Variants in XPO7 observed in about 807,000 individuals in gnomAD.
XPO7 encodes the protein exportin-7.
Under a neutral mutation model 144.3 loss-of-function variants are expected in XPO7, and 21 were observed. The ratio of observed to expected loss-of-function variants is 0.15; its 90% CI spans 0.10 to 0.21. The LOEUF (loss-of-function observed/expected upper bound fraction) is 0.21. Among genes scored for constraint, XPO7 ranks in the 10% least tolerant of loss-of-function variants. The pLI, the probability that XPO7 is intolerant of heterozygous loss-of-function variation, is 1.00. For missense variants in XPO7, 808 were observed against 1,325.8 expected (o/e 0.61, Z 6.06); for synonymous variants, 580 against 499.6 (o/e 1.16, Z -2.15).
At chr8:21,958,317 A>G (rs1187032552) in intron 1 of XPO7, among the ~76,000 whole-genome samples, 1 of 152,126 alleles carries the variant, frequency 6.6e-6, no homozygotes, top group African/African-American at 2.4e-5. Flanking sequence ...GATTCAGGCC[A>G]GCTGCTAGTC....
chr8:22,001,359 T>TATC (rs900607177), intron 24 of XPO7, among the ~76,000 whole-genome samples: 4 of 151,902 alleles, frequency 2.6e-5, no homozygotes, highest in African/African-American at 9.7e-5. Context: ...TTGCATAAAC[T>TATC]ATCAGTCCCG....
intron 4 of XPO7, 75 bp downstream of exon 4, chr8:21,970,385 C>CACAT (rs1467455961): frequency 2.9e-5 from 39 of 1,361,812 alleles, no homozygotes; most frequent in Non-Finnish European, 3.7e-5. Flanking sequence ...CACACACACA[C>CACAT]ACACACAACT....
At chr8:22,002,908 A>G (rs1585488122) in intron 25 of XPO7, 1 of 218,902 alleles carries the variant, frequency 4.6e-6, no homozygotes, top group East Asian at 1.3e-4. Flanking sequence ...GGATCATGCA[A>G]GGTGGTTTTG....
intron 4 of XPO7, among the ~76,000 whole-genome samples, chr8:21,971,000 A>G (rs546470257): frequency 6.6e-6 from 1 of 152,304 alleles, no homozygotes; most frequent in South Asian, 2.1e-4. Context: ...TGTAAACTCC[A>G]TTCATGGTAA....
At chr8:21,941,838 G>A (rs141398480) in intron 1 of XPO7, among the ~76,000 whole-genome samples, 422 of 152,320 alleles carry the variant, frequency 2.8e-3, no homozygotes, top group African/African-American at 9.4e-3. Flanking sequence ...GCCACCAGTA[G>A]TGAATTTTTT....
chr8:21,990,292 T>TA, intron 16 of XPO7, 52 bp from the exon 17 acceptor site: 1 of 1,587,134 alleles, frequency 6.3e-7, no homozygotes, highest in Non-Finnish European at 8.6e-7. Context: ...CCATCTGCCT[T>TA]AGAGTTTCGG....
At chr8:21,970,420 C>A in intron 4 of XPO7, 110 bp downstream of exon 4, 1 of 1,097,146 alleles carries the variant, frequency 9.1e-7, no homozygotes. Context: ...ACTTTTTAAA[C>A]ATGACACAAA....
At chr8:21,991,548 C>CT in intron 18 of XPO7, among the ~76,000 whole-genome samples, 1 of 152,196 alleles carries the variant, frequency 6.6e-6, no homozygotes, top group South Asian at 2.1e-4. Context: ...AGCTTCAGTC[C>CT]TTTCTCCACT....
intron 1 of XPO7, among the ~76,000 whole-genome samples, chr8:21,940,788 C>T (rs1257704085): frequency 6.6e-6 from 1 of 152,018 alleles, no homozygotes; most frequent in Non-Finnish European, 1.5e-5. Flanking sequence ...GCATTTTCAT[C>T]GTCCTGTATA....
At chr8:21,969,650 A>C (rs889482167) in intron 3 of XPO7, 74 bp downstream of exon 3, 2 of 1,349,612 alleles carry the variant, frequency 1.5e-6, no homozygotes, top group Non-Finnish European at 2.1e-6. Context: ...AGTCAAATGT[A>C]CGTGTTTGTT....
chr8:22,001,163 C>T (rs561275373), intron 24 of XPO7, among the ~76,000 whole-genome samples: 4 of 151,896 alleles, frequency 2.6e-5, no homozygotes, highest in African/African-American at 4.8e-5. Context: ...AAAATTAGCT[C>T]GGCGTGGTGG....
chr8:21,960,978 T>C (rs1811708711), intron 1 of XPO7, among the ~76,000 whole-genome samples: 1 of 152,128 alleles, frequency 6.6e-6, no homozygotes, highest in African/African-American at 2.4e-5. Context: ...AATATATAAA[T>C]AATTAAAGTA....
At chr8:21,955,724 C>CTT (rs71544845) in intron 1 of XPO7, among the ~76,000 whole-genome samples, 1,442 of 102,572 alleles carry the variant, frequency 0.014, 64 homozygotes, top group South Asian at 0.084. Context: ...CTGTGCTTAC[C>CTT]TTTTTTTTTT....
intron 1 of XPO7, among the ~76,000 whole-genome samples, chr8:21,952,137 C>T (rs1811394126): frequency 6.6e-6 from 1 of 152,182 alleles, no homozygotes; most frequent in Non-Finnish European, 1.5e-5. Context: ...GGTAAAATAA[C>T]TATAGTCATT....
chr8:21,919,724 C>T lies in XPO7; in HGVS notation c.-47C>T. 3.6e-6 allele frequency: 1 copy of T among 275,762 alleles called. No homozygotes were observed. The highest frequency in any genetic ancestry group is 1.5e-4 in the East Asian group (1 of 6,628). The allele number at this position is 275,762 out of a possible 1,614,324, so 17.1% of individuals were successfully genotyped here. On this transcript the variant is annotated 5_prime_UTR_variant, in exon 1 of 28. Coordinates refer to ENST00000252512, the MANE Select transcript of XPO7 (RefSeq NM_015024.5). Reference sequence around the variant, plus strand: ...GGCGGCAGCGGCTCCGGCCGAGGTGCGCGCTGGGGGGGAGGGGGGGCCGGA... The same window carrying T: ...GGCGGCAGCGGCTCCGGCCGAGGTGTGCGCTGGGGGGGAGGGGGGGCCGGA...
intron 1 of XPO7, among the ~76,000 whole-genome samples, chr8:21,932,902 A>T (rs933883034): frequency 6.6e-6 from 1 of 152,130 alleles, no homozygotes; most frequent in Non-Finnish European, 1.5e-5. Flanking sequence ...TGTATATTTA[A>T]TATTCACATT....
chr8:21,924,945 A>G lies in XPO7; in HGVS notation c.18+5157A>G, dbSNP rs920207250. ...TTTTTGTTACTGTGCAGACACATAG[A>G]AGGAAATACAAGATGTGATATTCTA... is the stretch of plus-strand genomic sequence containing the variant. On this transcript the variant is annotated intron_variant, in intron 1 of 27. Transcript: ENST00000252512. 3.9e-5 allele frequency among the ~76,000 whole-genome samples: 6 copies of G among 152,310 alleles called. No individual in the cohort carries two copies. The South Asian group carries it at 1.2e-3, about 32-fold the overall frequency.
At chr8:21,959,334 A>G (rs1256078938) in intron 1 of XPO7, among the ~76,000 whole-genome samples, 2 of 152,228 alleles carry the variant, frequency 1.3e-5, no homozygotes, top group African/African-American at 2.4e-5. Flanking sequence ...GCCAGTAATA[A>G]TTAGCAGTGT....
chr8:21,942,614 T>C (rs1811030318), intron 1 of XPO7, among the ~76,000 whole-genome samples: 1 of 151,888 alleles, frequency 6.6e-6, no homozygotes, highest in South Asian at 2.1e-4. Flanking sequence ...AGGGGAGGAG[T>C]ATTTCAATAG....
Sources: allele counts gnomAD v4.1 joint callset (sites outside exome capture counted in the v4.1 genomes callset), GRCh38; gene constraint gnomAD v4.1.1; transcripts MANE v1.5; gene names NCBI Gene and HGNC (gene_info 2026-07-23, HGNC 2026-07-21).